Variants in COA1 observed in about 807,000 individuals in gnomAD.
COA1 encodes the protein cytochrome c oxidase assembly factor 1, also known as cytochrome c oxidase assembly factor 1 homolog.
COA1 carries 13 observed loss-of-function variants against 16.0 expected under a neutral mutation model. That is an observed-to-expected ratio of 0.81 (90% confidence interval 0.53 to 1.29). COA1 has a LOEUF of 1.29. Among genes scored for constraint, COA1 ranks in the 50% most tolerant of loss-of-function variants. The probability of loss-of-function intolerance (pLI) is 0.00; values close to 1 mark genes in which losing one functional copy is unlikely to be tolerated. For synonymous variants in COA1, 65 were observed against 65.7 expected (o/e 0.99, Z 0.05); for missense variants, 179 against 177.0 (o/e 1.01, Z -0.06).
chr7:43,661,451 C>T (rs952833429), intron 1 of COA1, among the ~76,000 whole-genome samples: 1 of 152,138 alleles, frequency 6.6e-6, no homozygotes, highest in African/African-American at 2.4e-5. Context: ...CTGGCTAACA[C>T]AGTGAAACCC....
At chr7:43,657,862 A>T (rs1053548562) in intron 1 of COA1, among the ~76,000 whole-genome samples, 1 of 152,160 alleles carries the variant, frequency 6.6e-6, no homozygotes, top group Non-Finnish European at 1.5e-5. Context: ...CTGAACAAAC[A>T]TCTCACCAAA....
intron 6 of COA1, chr7:43,622,144 C>A (rs929974451): frequency 6.6e-6 from 1 of 152,204 alleles, no homozygotes; most frequent in Non-Finnish European, 1.5e-5. Context: ...ATTTCCTGTA[C>A]CCTTCCTCCC....
At chr7:43,615,293 G>A (rs979009233) in intron 6 of COA1, among the ~76,000 whole-genome samples, 11 of 151,818 alleles carry the variant, frequency 7.2e-5, no homozygotes, top group East Asian at 1.9e-4. Flanking sequence ...CTCCCACCTC[G>A]GCCTCCCAAG....
At chr7:43,652,500 C>T (rs2091006520) in intron 1 of COA1, among the ~76,000 whole-genome samples, 1 of 152,210 alleles carries the variant, frequency 6.6e-6, no homozygotes, top group African/African-American at 2.4e-5. Flanking sequence ...TATGGTCATG[C>T]AGCTATTCCC....
At chr7:43,723,633 A>AG (rs1208933676) in intron 1 of COA1, among the ~76,000 whole-genome samples, 2 of 152,118 alleles carry the variant, frequency 1.3e-5, no homozygotes, top group Admixed American at 6.6e-5. Context: ...GAAAGCATTA[A>AG]GAAAAAAAAA....
At chr7:43,691,346 AGGGAGGGAGG>A (rs2094318144) in intron 1 of COA1, among the ~76,000 whole-genome samples, 2 of 12,084 alleles carry the variant, frequency 1.7e-4, no homozygotes, top group Non-Finnish European at 3.3e-4. Context: ...AGAGAGAGGG[AGGGAGGGAGG>A]GAGGGAGGGA....
At chr7:43,677,117 T>G (rs1189626607) in intron 1 of COA1, among the ~76,000 whole-genome samples, 1 of 152,216 alleles carries the variant, frequency 6.6e-6, no homozygotes, top group Non-Finnish European at 1.5e-5. Context: ...TTCTATATGT[T>G]TTTCTTGTAA....
At chr7:43,669,953 A>G (rs1033760206) in intron 1 of COA1, among the ~76,000 whole-genome samples, 3 of 152,134 alleles carry the variant, frequency 2.0e-5, no homozygotes, top group Non-Finnish European at 2.9e-5. Context: ...AAGGAAAGGA[A>G]AGCGGGGCCC....
At chr7:43,669,537 T>C (rs1344235741) in intron 1 of COA1, among the ~76,000 whole-genome samples, 5 of 152,096 alleles carry the variant, frequency 3.3e-5, no homozygotes, top group African/African-American at 1.2e-4. Flanking sequence ...GCCAGTTTTT[T>C]CCGCGGGCTA....
chr7:43,624,446 ATACAG>A (rs756129755), intron 6 of COA1: 1 of 1,438,324 alleles, frequency 7.0e-7, no homozygotes, highest in Non-Finnish European at 9.3e-7. Context: ...AATGCAATAA[ATACAG>A]TACCTTATGC....
At chr7:43,704,487 A>G (rs1188598557) in intron 1 of COA1, among the ~76,000 whole-genome samples, 2 of 152,030 alleles carry the variant, frequency 1.3e-5, no homozygotes, top group Non-Finnish European at 2.9e-5. Flanking sequence ...ACATAATCCC[A>G]TATTTTTTGG....
intron 1 of COA1, among the ~76,000 whole-genome samples, chr7:43,669,300 A>G (rs1265877217): frequency 6.6e-6 from 1 of 152,180 alleles, no homozygotes; most frequent in Non-Finnish European, 1.5e-5. Context: ...AAGCGGCTCC[A>G]GAAACGTTTC....
intron 3 of COA1, chr7:43,647,236 A>G (rs2089591071): frequency 2.0e-5 from 9 of 446,146 alleles, no homozygotes; most frequent in Non-Finnish European, 2.8e-5. Flanking sequence ...CCTTCTTTAT[A>G]TAATCTCAGA....
intron 1 of COA1, among the ~76,000 whole-genome samples, chr7:43,684,019 T>C (rs2093897971): frequency 6.6e-6 from 1 of 152,186 alleles, no homozygotes; most frequent in Admixed American, 6.5e-5. Flanking sequence ...ATCACTTACA[T>C]GTGCGATTGT....
intron 1 of COA1, among the ~76,000 whole-genome samples, chr7:43,653,088 G>A (rs919975066): frequency 2.0e-5 from 3 of 152,142 alleles, no homozygotes; most frequent in Admixed American, 2.0e-4. Flanking sequence ...CGAGGCGGGT[G>A]GATCACGAGG....
intron 6 of COA1, among the ~76,000 whole-genome samples, chr7:43,633,609 A>G (rs1044049330): frequency 1.3e-5 from 2 of 152,204 alleles, no homozygotes; most frequent in African/African-American, 2.4e-5. Flanking sequence ...GAATTACCAA[A>G]TGTGACACAG....
At chr7:43,623,907 A>G in intron 6 of COA1, 1 of 1,430,360 alleles carries the variant, frequency 7.0e-7, no homozygotes, top group Non-Finnish European at 9.2e-7. Flanking sequence ...TATTTTTATT[A>G]GTTTAATATT....
chr7:43,710,187 TAA>T (rs56400732), intron 1 of COA1, among the ~76,000 whole-genome samples: 17,651 of 149,976 alleles, frequency 0.12, 1,110 homozygotes, highest in Admixed American at 0.19. Context: ...CTGCCTCTAC[TAA>T]AAATACAAAA....
intron 1 of COA1, among the ~76,000 whole-genome samples, chr7:43,691,446 AAAGAAAGAAAGAAAG>A (rs1482420026): frequency 2.1e-5 from 3 of 143,236 alleles, no homozygotes; most frequent in African/African-American, 5.9e-5. Flanking sequence ...AGAAAGAAAG[AAAGAAAGAAAGAAAG>A]AAAGAAAGAA....
Sources: allele counts gnomAD v4.1 joint callset (sites outside exome capture counted in the v4.1 genomes callset), GRCh38; gene constraint gnomAD v4.1.1; transcripts MANE v1.5; gene names NCBI Gene and HGNC (gene_info 2026-07-23, HGNC 2026-07-21).